Variants in PPARG observed in about 807,000 individuals in gnomAD.
PPARG encodes the protein peroxisome proliferator activated receptor gamma.
PPARG carries 17 observed loss-of-function variants against 39.2 expected under a neutral mutation model. The observed-to-expected ratio is 0.43, with a 90% CI of 0.30 to 0.65. The LOEUF (loss-of-function observed/expected upper bound fraction) is 0.65, where lower values mean the gene tolerates loss of function less well. Among genes scored for constraint, PPARG ranks in the 30% least tolerant of loss-of-function variants. The pLI, the probability that PPARG is intolerant of heterozygous loss-of-function variation, is 0.13. For missense variants in PPARG, 406 were observed against 585.9 expected (o/e 0.69, Z 3.17); for synonymous variants, 223 against 215.7 (o/e 1.03, Z -0.30).
chr3:12,426,539 G>A (rs1181649897), intron 7 of PPARG, among the ~76,000 whole-genome samples: 1 of 151,994 alleles, frequency 6.6e-6, no homozygotes, highest in African/African-American at 2.4e-5. Context: ...AAAGCAGCGG[G>A]GGGCAGGGAG....
intron 1 of PPARG, among the ~76,000 whole-genome samples, chr3:12,310,380 C>T (rs1280838032): frequency 6.6e-6 from 1 of 151,722 alleles, no homozygotes; most frequent in African/African-American, 2.4e-5. Flanking sequence ...CTGGAATCAA[C>T]TCCTTTAATT....
At position 12,313,474 on chromosome 3, in the gene PPARG, G is replaced by A. The variant is rs139041025; in HGVS notation, c.-9+1021G>A. Among the ~76,000 whole-genome samples, 450 of 152,254 alleles carry A rather than the reference G, an allele frequency of 3.0e-3. 2 individuals carry two copies. Among genetic ancestry groups the A allele is most frequent in the African/African-American group, 9.7e-3 (404 of 41,536 alleles). On this transcript the variant is annotated intron_variant, in intron 2 of 7. Transcript: ENST00000651735. ...GATGCTCAAATAAAATACTCTTGGA[G>A]CATTTTGGATTTTGGATTTTTGGAT...
intron 6 of PPARG, among the ~76,000 whole-genome samples, chr3:12,413,688 T>C (rs562271221): frequency 6.6e-6 from 1 of 151,770 alleles, no homozygotes; most frequent in African/African-American, 2.4e-5. Flanking sequence ...GGCGTGGTGG[T>C]GGGTGCCTGT....
chr3:12,340,279 C>T (rs917820793), intron 2 of PPARG, among the ~76,000 whole-genome samples: 8 of 152,192 alleles, frequency 5.3e-5, no homozygotes, highest in Non-Finnish European at 1.0e-4. Context: ...TGCCTCCTTC[C>T]GTCTTCTCAT....
intron 6 of PPARG, among the ~76,000 whole-genome samples, chr3:12,413,645 C>A (rs2050957864): frequency 6.6e-6 from 1 of 151,348 alleles, no homozygotes; most frequent in Non-Finnish European, 1.5e-5. Flanking sequence ...CCCGTCTATA[C>A]TAAAAAATAA....
chr3:12,428,292 A>G (rs1249964453), intron 7 of PPARG, among the ~76,000 whole-genome samples: 1 of 152,230 alleles, frequency 6.6e-6, no homozygotes, highest in Non-Finnish European at 1.5e-5. Context: ...GTGGATGGAG[A>G]CCGGAAAGGT....
chr3:12,409,803 T>G (rs924091988), intron 6 of PPARG, among the ~76,000 whole-genome samples: 1 of 152,224 alleles, frequency 6.6e-6, no homozygotes, highest in African/African-American at 2.4e-5. Flanking sequence ...TGTATCTTAC[T>G]GCTCAATTTC....
At chr3:12,402,420 G>A (rs1456614320) in intron 5 of PPARG, among the ~76,000 whole-genome samples, 1 of 152,086 alleles carries the variant, frequency 6.6e-6, no homozygotes, top group Non-Finnish European at 1.5e-5. Flanking sequence ...TTTTAAACCT[G>A]ATACTTTGGA....
chr3:12,289,803 A>C (rs2046604649), intron 1 of PPARG, among the ~76,000 whole-genome samples: 1 of 152,224 alleles, frequency 6.6e-6, no homozygotes, highest in Non-Finnish European at 1.5e-5. Context: ...AGACACTCAT[A>C]GATGCTACCA....
intron 2 of PPARG, among the ~76,000 whole-genome samples, chr3:12,326,405 G>T (rs994710314): frequency 3.3e-5 from 5 of 152,160 alleles, no homozygotes; most frequent in African/African-American, 1.2e-4. Flanking sequence ...AAAAGTTACA[G>T]CTGTAATAAA....
chr3:12,330,575 A>G (rs4145574), intron 2 of PPARG, among the ~76,000 whole-genome samples: 38,301 of 152,118 alleles, frequency 0.25, 4,948 homozygotes, highest in East Asian at 0.33. Context: ...TTTCATTTGA[A>G]CACAGATAAA....
rs578211537 is a variant in PPARG, at chr3:12,306,964, G to C, written c.-82-5416G>C. 3.9e-5 allele frequency among the ~76,000 whole-genome samples: 6 copies of C among 152,104 alleles called. No homozygotes were observed. In the South Asian group the frequency reaches 8.3e-4, roughly 21 times the overall value. On this transcript the variant is annotated intron_variant, in intron 1 of 7. Coordinates refer to ENST00000651735, the MANE Select transcript of PPARG (RefSeq NM_138711.6). The stretch of plus-strand genomic sequence containing the variant: ...ATACAAAAAATTAGCCGGGCGTGGT[G>C]GTGGGCGCCTGTAGTCCCAGCCATT...
intron 3 of PPARG, 109 bp downstream of exon 3, chr3:12,380,040 G>C: frequency 1.0e-6 from 1 of 968,966 alleles, no homozygotes; most frequent in Non-Finnish European, 1.6e-6. Flanking sequence ...AATAGAGAAG[G>C]CATTCACCAT....
intron 5 of PPARG, among the ~76,000 whole-genome samples, chr3:12,398,593 AG>A (rs2050350660): frequency 6.6e-6 from 1 of 152,198 alleles, no homozygotes; most frequent in Non-Finnish European, 1.5e-5. Flanking sequence ...AGGTCACACT[AG>A]GGACCACAGA....
chr3:12,415,034 T>C (rs975610019), intron 6 of PPARG, among the ~76,000 whole-genome samples: 27 of 152,240 alleles, frequency 1.8e-4, no homozygotes, highest in African/African-American at 6.5e-4. Flanking sequence ...TAGAGTTCCA[T>C]AGATATGAAT....
In PPARG at chr3:12,304,183, A is replaced by G. The variant is rs183822622; in HGVS notation, c.-82-8197A>G. Among the ~76,000 whole-genome samples, 12 of 152,362 alleles carry G rather than the reference A, an allele frequency of 7.9e-5. No homozygotes were observed. The East Asian group carries it at 2.3e-3, about 29-fold the overall frequency. On this transcript the variant is annotated intron_variant, in intron 1 of 7. Transcript: ENST00000651735. ...AAGTGAGTTACATAAATTGCAGTCA[A>G]GCTGCTGACCTGTAAATCATTCATT... is the stretch of plus-strand genomic sequence containing the variant.
Position 12,352,714 on chromosome 3 carries a change from A to G in PPARG, c.-8-26990A>G, listed in dbSNP as rs1021950143. 5.3e-5 allele frequency among the ~76,000 whole-genome samples: 8 copies of G among 152,196 alleles called. 1 individual carries two copies. The highest frequency in any genetic ancestry group is 1.3e-4 in the Admixed American group (2 of 15,276). The stretch of plus-strand genomic sequence containing the variant: ...AGCCTGAAGTTTGAACATATTAGTC[A>G]CCGTTTTTAAAATATAAAGCTTTTT... On this transcript the variant is annotated intron_variant, in intron 2 of 7. Coordinates refer to ENST00000651735, the MANE Select transcript of PPARG (RefSeq NM_138711.6).
chr3:12,426,792 A>C (rs1243896506), intron 7 of PPARG, among the ~76,000 whole-genome samples: 1 of 152,250 alleles, frequency 6.6e-6, no homozygotes, highest in African/African-American at 2.4e-5. Context: ...CTATGAGTTA[A>C]ATTACCGCTA....
chr3:12,382,248 A>G (rs1290780615), intron 4 of PPARG, among the ~76,000 whole-genome samples: 6 of 152,158 alleles, frequency 3.9e-5, no homozygotes, highest in Non-Finnish European at 5.9e-5. Context: ...GAAAGGAGAT[A>G]CTATTTATCC....
Sources: gnomAD v4.1 joint callset for allele counts (sites outside exome capture counted in the v4.1 genomes callset) on GRCh38, gnomAD v4.1.1 for gene constraint, MANE v1.5 for transcripts, NCBI Gene and HGNC (gene_info 2026-07-23, HGNC 2026-07-21) for gene names.